The following ATRN variants were observed in gnomAD, a reference collection of about 807,000 sequenced individuals.
ATRN encodes the protein attractin-2.
Under a neutral mutation model 178.7 loss-of-function variants are expected in ATRN, and 54 were observed. The observed-to-expected ratio is 0.30, with a 90% CI of 0.24 to 0.38. The LOEUF (loss-of-function observed/expected upper bound fraction) is 0.38, where lower values mean the gene tolerates loss of function less well. Ranked by LOEUF, ATRN falls within the 10% of genes least tolerant of loss-of-function variation. ATRN has a pLI of 1.00. For missense variants in ATRN, 1,443 were observed against 1,815.1 expected, an observed-to-expected ratio of 0.79 and a Z score of 3.73; for synonymous variants, 636 against 663.0, an observed-to-expected ratio of 0.96 and a Z score of 0.63.
At chr20:3,616,012 G>T in intron 24 of ATRN, 1 of 167,464 alleles carries the variant, frequency 6.0e-6, no homozygotes, top group Non-Finnish European at 1.3e-5. Context: ...CCTGCATGTT[G>T]TGCACATGTA....
intron 1 of ATRN, among the ~76,000 whole-genome samples, chr20:3,529,862 TA>T (rs2085426034): frequency 6.6e-6 from 1 of 152,150 alleles, no homozygotes; most frequent in South Asian, 2.1e-4. Context: ...GTCACTAAAC[TA>T]AATGCAAACA....
Position 3,618,931 on chromosome 20 carries a change from A to T in ATRN, c.3802-5580A>T, listed in dbSNP as rs1600162539. ...GTGACAGCACAAGACCCAGGTTAGA[A>T]TGTACTTAGCCAGGGCTCACGGAAT... On this transcript the variant is annotated intron_variant, in intron 24 of 28. Transcript: ENST00000262919. 2.0e-5 allele frequency among the ~76,000 whole-genome samples: 3 copies of T among 152,198 alleles called. No individual in the cohort carries two copies. In the East Asian group the frequency reaches 5.8e-4, roughly 29 times the overall value.
chr20:3,490,009 G>T, intron 1 of ATRN: 1 of 992,502 alleles, frequency 1.0e-6, no homozygotes, highest in Non-Finnish European at 1.6e-6. Context: ...TGAGTGAGAT[G>T]TTGCTGTTCC....
chr20:3,525,524 G>T (rs1252184670), intron 1 of ATRN, among the ~76,000 whole-genome samples: 1 of 152,212 alleles, frequency 6.6e-6, no homozygotes, highest in Non-Finnish European at 1.5e-5. Flanking sequence ...GACAGAAAAA[G>T]AGGGACTTCC....
chr20:3,483,258 A>G (rs1050305342), intron 1 of ATRN, among the ~76,000 whole-genome samples: 1 of 152,226 alleles, frequency 6.6e-6, no homozygotes, highest in East Asian at 1.9e-4. Flanking sequence ...GTTAATATTA[A>G]TTACAGAAGG....
intron 18 of ATRN, among the ~76,000 whole-genome samples, chr20:3,590,157 G>A (rs1347570524): frequency 6.6e-6 from 1 of 152,120 alleles, no homozygotes; most frequent in Non-Finnish European, 1.5e-5. Context: ...CACTGTGTTG[G>A]CCAGGCTGAT....
rs73581418 is a variant in ATRN, at chr20:3,587,984, C to T, written c.3184+3104C>T. ...GCCTCAGCCTCTCGAGTAACTGGTA[C>T]TACAGGCATGAGCTACCAACACCCA... On this transcript the variant is annotated intron_variant, in intron 18 of 28. Transcript: ENST00000262919. Among the ~76,000 whole-genome samples the T allele has an allele frequency of 6.5e-3, 982 of 152,162 alleles. 18 individuals carry two copies. Among genetic ancestry groups the T allele is most frequent in the African/African-American group, 0.021 (863 of 41,520 alleles).
At position 3,645,348 on chromosome 20, in the gene ATRN, GATTC is replaced by G. The variant is rs968486572; in HGVS notation, c.4165+1084_4165+1087del. 5.9e-5 allele frequency among the ~76,000 whole-genome samples: 9 copies of G among 152,370 alleles called. No individual in the cohort carries two copies. The highest frequency in any genetic ancestry group is 1.3e-4 in the Admixed American group (2 of 15,306). ...AGGCCTTTCGACATGGCTCGGCCAG[GATTC>G]ATTGTCTTCATCTCACCTAGGGATT... On this transcript the variant is annotated intron_variant, in intron 28 of 28. Coordinates refer to ENST00000262919, the MANE Select transcript of ATRN (RefSeq NM_139321.3). This position sits in a 1 kb window ranked among gnomAD's most constrained non-coding sequence, Gnocchi z 4.7.
chr20:3,560,675 T>C lies in ATRN; in HGVS notation c.1217T>C (p.Met406Thr). 6.2e-7 allele frequency: 1 copy of C among 1,610,466 alleles called. No homozygotes were observed. Among genetic ancestry groups the C allele is most frequent in the Non-Finnish European group, 8.5e-7 (1 of 1,176,918 alleles). The change falls in exon 8 of 29, where the codon ATG becomes ACG. Residue 406 changes from methionine to threonine, a missense_variant. Met to Thr is a moderately conservative substitution (Grantham distance 81). Around this residue, in one of 4 missense-constraint regions of ATRN, gnomAD observed 862 missense variants for 972.1 expected, o/e 0.89. Coordinates refer to ENST00000262919, the MANE Select transcript of ATRN (RefSeq NM_139321.3). ...SLALYKDKIY[M>T]YGGKIDSTGN... ...TTTTTTTCCTAGGATAAAATTTACA[T>C]GTATGGAGGAAAAATTGATTCAACT...
At chr20:3,479,669 T>A (rs1171781150) in intron 1 of ATRN, among the ~76,000 whole-genome samples, 1 of 152,190 alleles carries the variant, frequency 6.6e-6, no homozygotes, top group Non-Finnish European at 1.5e-5. Flanking sequence ...CTTTCATAGT[T>A]CTGGGGACTA....
At chr20:3,565,087 AG>A (rs2086013330) in intron 10 of ATRN, among the ~76,000 whole-genome samples, 1 of 152,122 alleles carries the variant, frequency 6.6e-6, no homozygotes, top group Admixed American at 6.5e-5. Context: ...TCAAACTGAT[AG>A]GCAGTTGGGT....
chr20:3,607,198 G>A (rs1455239188), intron 24 of ATRN, among the ~76,000 whole-genome samples: 1 of 152,160 alleles, frequency 6.6e-6, no homozygotes, highest in Non-Finnish European at 1.5e-5. Flanking sequence ...TCAAATAAGA[G>A]TAATTAGGAT....
intron 1 of ATRN, chr20:3,490,978 G>A (rs1177851692): frequency 7.8e-6 from 12 of 1,535,830 alleles, no homozygotes; most frequent in African/African-American, 2.7e-5. Flanking sequence ...TCATGATAGC[G>A]CCGCTGCTGC....
chr20:3,531,219 A>G (rs1171228671), intron 1 of ATRN, among the ~76,000 whole-genome samples: 1 of 152,138 alleles, frequency 6.6e-6, no homozygotes, highest in Non-Finnish European at 1.5e-5. Context: ...TGAATTAAAA[A>G]CTCACATAAT....
chr20:3,561,918 G>A (rs1002645161), intron 8 of ATRN, among the ~76,000 whole-genome samples: 10 of 151,840 alleles, frequency 6.6e-5, no homozygotes, highest in Non-Finnish European at 1.3e-4. Flanking sequence ...GTAGAGATGG[G>A]ATCTTGCTAT....
At chr20:3,554,790 A>G (rs2085844231) in intron 6 of ATRN, among the ~76,000 whole-genome samples, 2 of 152,102 alleles carry the variant, frequency 1.3e-5, no homozygotes. Flanking sequence ...TTGTGAAATA[A>G]GTGGTCTTGG....
rs536068054 is a variant in ATRN, at chr20:3,611,762, A to G, written c.3801+7500A>G. 2.1e-3 allele frequency among the ~76,000 whole-genome samples: 323 copies of G among 152,298 alleles called. 4 individuals carry two copies. The highest frequency in any genetic ancestry group is 1.2e-3 in the East Asian group (6 of 5,184). ...CTCTCAAAATAAAAATAAAATAACCATTAGAGAAATGCAAATTGAAAGCAC... is the reference window on the plus strand; with the variant it reads ...CTCTCAAAATAAAAATAAAATAACCGTTAGAGAAATGCAAATTGAAAGCAC... On this transcript the variant is annotated intron_variant, in intron 24 of 28. Coordinates refer to ENST00000262919, the MANE Select transcript of ATRN (RefSeq NM_139321.3).
chr20:3,628,904 T>C, intron 25 of ATRN: 1 of 985,320 alleles, frequency 1.0e-6, no homozygotes, highest in African/African-American at 1.7e-5. Flanking sequence ...TCCCAGACCT[T>C]GACCCTGGCC....
intron 4 of ATRN, among the ~76,000 whole-genome samples, chr20:3,546,781 A>C (rs377165796): frequency 1.3e-5 from 2 of 152,226 alleles, no homozygotes; most frequent in South Asian, 4.1e-4. Context: ...AAATATACCA[A>C]TCTGGGCAGT....
Sources: allele counts gnomAD v4.1 joint callset (sites outside exome capture counted in the v4.1 genomes callset), GRCh38; gene constraint gnomAD v4.1.1; regional missense constraint gnomAD v4.1.1; non-coding constraint Gnocchi (gnomAD v3.1); transcripts MANE v1.5; gene names NCBI Gene and HGNC (gene_info 2026-07-23, HGNC 2026-07-21).